ITGB5: variants seen among roughly 807,000 people sequenced by gnomAD.
The protein encoded by ITGB5 is integrin subunit beta 5.
In ITGB5, 38 loss-of-function variants were observed where a neutral mutation model predicts 84.8. The observed-to-expected ratio is 0.45, with a 90% CI of 0.35 to 0.59. The LOEUF (loss-of-function observed/expected upper bound fraction) is 0.59, where lower values mean the gene tolerates loss of function less well. ITGB5 is among the 20% of genes least tolerant of loss of function. The pLI is 0.01. For missense variants in ITGB5, 905 were observed against 1,034.5 expected, an observed-to-expected ratio of 0.87 and a Z score of 1.72; for synonymous variants, 393 against 414.4, an observed-to-expected ratio of 0.95 and a Z score of 0.63.
intron 5 of ITGB5, among the ~76,000 whole-genome samples, chr3:124,824,119 A>C (rs1331502585): frequency 2.0e-5 from 3 of 152,228 alleles, no homozygotes; most frequent in Admixed American, 1.3e-4. Flanking sequence ...AAGCAATGGA[A>C]ACTAGCAAAA....
chr3:124,895,648 G>A (rs1465321720), intron 1 of ITGB5, among the ~76,000 whole-genome samples: 1 of 152,154 alleles, frequency 6.6e-6, no homozygotes, highest in Non-Finnish European at 1.5e-5. Context: ...TCATGTTTGG[G>A]GCTGGGGTGG....
intron 3 of ITGB5, chr3:124,857,320 A>C (rs2107615207): frequency 6.6e-6 from 1 of 152,310 alleles, no homozygotes; most frequent in Middle Eastern, 3.4e-3. Context: ...TGCTCTTTGA[A>C]AATAATAAAA....
chr3:124,896,609 T>C (rs1339405099), intron 1 of ITGB5, among the ~76,000 whole-genome samples: 2 of 151,564 alleles, frequency 1.3e-5, no homozygotes, highest in Admixed American at 6.6e-5. Flanking sequence ...CCAGGCACAG[T>C]AATGACATGC....
At chr3:124,863,810 G>A (rs1313667163) in intron 2 of ITGB5, among the ~76,000 whole-genome samples, 2 of 152,036 alleles carry the variant, frequency 1.3e-5, no homozygotes, top group African/African-American at 2.4e-5. Flanking sequence ...CACAACACCT[G>A]GCCTAGATAT....
chr3:124,868,638 A>AC (rs1559978824), intron 2 of ITGB5, among the ~76,000 whole-genome samples: 9 of 151,108 alleles, frequency 6.0e-5, no homozygotes, highest in Non-Finnish European at 1.3e-4. Flanking sequence ...AAAAAAAAAA[A>AC]AAAAATCAAA....
At chr3:124,852,699 G>A (rs1473851012) in intron 3 of ITGB5, among the ~76,000 whole-genome samples, 1 of 151,866 alleles carries the variant, frequency 6.6e-6, no homozygotes, top group African/African-American at 2.4e-5. Context: ...AAACTTTTTT[G>A]TTTTTTGAGA....
At chr3:124,811,410 G>A (rs1197406681) in intron 8 of ITGB5, among the ~76,000 whole-genome samples, 1 of 152,180 alleles carries the variant, frequency 6.6e-6, no homozygotes, top group African/African-American at 2.4e-5. Context: ...TGAATAAGTA[G>A]TGGAGGAAAT....
At chr3:124,824,071 A>G (rs2064747936) in intron 5 of ITGB5, among the ~76,000 whole-genome samples, 1 of 152,236 alleles carries the variant, frequency 6.6e-6, no homozygotes, top group South Asian at 2.1e-4. Context: ...CCTTTTTGAG[A>G]AAATGACAAG....
chr3:124,886,827 C>T, intron 1 of ITGB5, 104 bp downstream of exon 1: 2 of 670,104 alleles, frequency 3.0e-6, no homozygotes, highest in Non-Finnish European at 4.0e-6. Flanking sequence ...CGAAGGCGCC[C>T]TCCGCCCTCA....
intron 1 of ITGB5, among the ~76,000 whole-genome samples, chr3:124,873,957 C>T (rs1279997344): frequency 6.6e-6 from 1 of 151,682 alleles, no homozygotes; most frequent in African/African-American, 2.4e-5. Flanking sequence ...AATACTCTCA[C>T]ATCAAAATGT....
chr3:124,783,175 C>T (rs1004935823), intron 10 of ITGB5, among the ~76,000 whole-genome samples: 2 of 151,108 alleles, frequency 1.3e-5, no homozygotes, highest in Admixed American at 1.3e-4. Context: ...CCTGTAATTC[C>T]AGCTACTCCA....
At position 124,819,778 on chromosome 3, in the gene ITGB5, G is replaced by A; in HGVS notation, c.999C>T (p.Leu333=). ...GEKLAENNIN[L]IFAVTKNHYM... ...AATGGTTTTTTGTCACTGCAAAGATGAGGTTGATGTTGTTCTCTGCCAATT... is the reference window on the plus strand; with the variant it reads ...AATGGTTTTTTGTCACTGCAAAGATAAGGTTGATGTTGTTCTCTGCCAATT... The change falls in exon 7 of 15, where the codon CTC becomes CTT. Residue 333 remains leucine, a synonymous_variant. Coordinates refer to ENST00000296181, the MANE Select transcript of ITGB5 (RefSeq NM_002213.5). 6.2e-7 allele frequency: 1 copy of A among 1,614,070 alleles called. No homozygotes were observed. Among genetic ancestry groups the A allele is most frequent in the South Asian group, 1.1e-5 (1 of 91,088 alleles).
intron 3 of ITGB5, among the ~76,000 whole-genome samples, chr3:124,855,312 C>CAT (rs1486696745): frequency 1.3e-5 from 2 of 152,022 alleles, no homozygotes; most frequent in African/African-American, 4.8e-5. Flanking sequence ...TCTCTCTCTA[C>CAT]ATATATATAG....
At chr3:124,896,986 G>A (rs1028036264) in intron 1 of ITGB5, among the ~76,000 whole-genome samples, 7 of 151,874 alleles carry the variant, frequency 4.6e-5, no homozygotes, top group Admixed American at 2.6e-4. Flanking sequence ...AAAGATCAAA[G>A]TATACTGAAG....
chr3:124,897,749 C>T (rs1441957945), intron 1 of ITGB5, among the ~76,000 whole-genome samples: 1 of 152,066 alleles, frequency 6.6e-6, no homozygotes, highest in African/African-American at 2.4e-5. Flanking sequence ...AATACTGTTC[C>T]AGGGTTAGGG....
At chr3:124,851,662 G>A (rs1031730358) in intron 3 of ITGB5, among the ~76,000 whole-genome samples, 7 of 150,398 alleles carry the variant, frequency 4.7e-5, no homozygotes, top group African/African-American at 9.8e-5. Flanking sequence ...CCTTCCCAAA[G>A]GAAGGCTGCA....
chr3:124,828,614 G>A (rs1019170591), intron 5 of ITGB5, among the ~76,000 whole-genome samples: 1 of 152,188 alleles, frequency 6.6e-6, no homozygotes, highest in Admixed American at 6.5e-5. Flanking sequence ...TTTCGTGAGT[G>A]TACATAAATG....
At position 124,848,381 on chromosome 3, in the gene ITGB5, C is replaced by T. The variant is rs1579290384; in HGVS notation, c.539G>A (p.Gly180Glu). The change falls in exon 4 of 15, where the codon GGG (glycine) becomes GAG (glutamate). Residue 180 changes from glycine (G) to glutamate (E), a missense_variant. This residue lies in a region of ITGB5 where 656 missense variants were observed against 734.7 expected (regional missense o/e 0.89). Coordinates refer to ENST00000296181, the MANE Select transcript of ITGB5 (RefSeq NM_002213.5). ...AGAGATGTCCTTATCAACAAAAGACCCAAATCCCAACCGGAAGTTGCTGGT... is the reference window on the plus strand; with the variant it reads ...AGAGATGTCCTTATCAACAAAAGACTCAAATCCCAACCGGAAGTTGCTGGT... ...KLTSNFRLGF[G>E]SFVDKDISPF... is the part of the protein sequence containing the mutation. 1.2e-6 allele frequency: 2 copies of T among 1,614,100 alleles called. No individual in the cohort carries two copies. The highest frequency in any genetic ancestry group is 1.7e-6 in the Non-Finnish European group (2 of 1,180,020).
At chr3:124,781,230 T>A (rs937636044) in intron 10 of ITGB5, 1 of 152,266 alleles carries the variant, frequency 6.6e-6, no homozygotes, top group Admixed American at 6.5e-5. Flanking sequence ...AACACATACA[T>A]AAGCTTCCAA....
Sources: allele counts gnomAD v4.1 joint callset (sites outside exome capture counted in the v4.1 genomes callset), GRCh38; gene constraint gnomAD v4.1.1; regional missense constraint gnomAD v4.1.1; transcripts MANE v1.5; gene names NCBI Gene and HGNC (gene_info 2026-07-23, HGNC 2026-07-21).